TECTA: variants seen among roughly 807,000 people sequenced by gnomAD.
TECTA encodes the protein alpha-tectorin.
A neutral mutation model predicts 216.8 loss-of-function variants in TECTA; 128 were observed. The observed-to-expected ratio is 0.59, with a 90% CI of 0.51 to 0.68. The LOEUF (loss-of-function observed/expected upper bound fraction) is 0.68, where lower values mean the gene tolerates loss of function less well. TECTA is among the 30% of genes least tolerant of loss of function. The pLI, the probability that TECTA is intolerant of heterozygous loss-of-function variation, is 0.00. For synonymous variants in TECTA, 1,089 were observed against 1,117.1 expected, an observed-to-expected ratio of 0.97 and a Z score of 0.50; for missense variants, 2,551 against 2,786.2, an observed-to-expected ratio of 0.92 and a Z score of 1.90.
chr11:121,150,770 C>T (rs1946883022), intron 12 of TECTA, among the ~76,000 whole-genome samples: 2 of 151,968 alleles, frequency 1.3e-5, no homozygotes, highest in African/African-American at 4.8e-5. Flanking sequence ...CTCAGCCTCC[C>T]AAGTAGCTGG....
Position 121,125,437 on chromosome 11 carries a change from A to G in TECTA, c.1339A>G (p.Ile447Val). 1.2e-6 allele frequency: 2 copies of G among 1,614,092 alleles called. No individual in the cohort carries two copies. The highest frequency in any genetic ancestry group is 1.7e-6 in the Non-Finnish European group (2 of 1,180,028). The change falls in exon 8 of 24, where the codon ATT (isoleucine) becomes GTT (valine). Residue 447 changes from isoleucine to valine, a missense_variant. Ile to Val is a conservative substitution (Grantham distance 29). Transcript: ENST00000392793. ...TTTTGATGGCCAGCACTACGCCTCC[A>G]TTTCCGTCCCAGGCTCCTATATAAA... is the stretch of plus-strand genomic sequence containing the variant. ...VTFDGQHYASISVPGSYINST... is the reference protein window; with the variant it reads ...VTFDGQHYASVSVPGSYINST...
intron 20 of TECTA, among the ~76,000 whole-genome samples, chr11:121,187,220 C>A (rs1400616591): frequency 2.0e-5 from 3 of 152,084 alleles, no homozygotes; most frequent in Non-Finnish European, 4.4e-5. Context: ...GGGAACTATA[C>A]ATAATTGAAG....
In TECTA at chr11:121,111,990, C is replaced by T. The variant is rs374890713; in HGVS notation, c.487-1082C>T. Among the ~76,000 whole-genome samples the T allele has an allele frequency of 6.8e-4, 103 of 152,326 alleles. 2 individuals are homozygous for T. The South Asian group carries it at 0.021, about 31-fold the overall frequency. On this transcript the variant is annotated intron_variant, in intron 4 of 23. Coordinates refer to ENST00000392793, the MANE Select transcript of TECTA (RefSeq NM_005422.4). ...GATTTGGGGCTTCCAAGATCCTCTA[C>T]CCCAGTTTGATTACACAGGATAAGG... is the stretch of plus-strand genomic sequence containing the variant.
intron 12 of TECTA, among the ~76,000 whole-genome samples, 199 bp from the exon 13 acceptor site, chr11:121,152,682 C>T (rs1177444296): frequency 6.6e-6 from 1 of 152,064 alleles, no homozygotes; most frequent in Admixed American, 6.5e-5. Context: ...TGCATGTTGG[C>T]CCTTTATTTA....
chr11:121,120,651 C>G (rs1340854759), intron 7 of TECTA, among the ~76,000 whole-genome samples: 1 of 152,200 alleles, frequency 6.6e-6, no homozygotes, highest in East Asian at 1.9e-4. Flanking sequence ...ATGGATTTTC[C>G]CCACTGAACT....
chr11:121,120,585 AC>A (rs998618837), intron 7 of TECTA, among the ~76,000 whole-genome samples: 1 of 151,530 alleles, frequency 6.6e-6, no homozygotes, highest in African/African-American at 2.4e-5. Flanking sequence ...CAAAACACAG[AC>A]CCCCCTTCTC....
chr11:121,176,045 T>A (rs1251345257), intron 20 of TECTA, among the ~76,000 whole-genome samples: 1 of 152,066 alleles, frequency 6.6e-6, no homozygotes, highest in Non-Finnish European at 1.5e-5. Flanking sequence ...GCTTGGTAGA[T>A]CTTCCTCCAT....
chr11:121,186,274 G>T (rs601155), intron 20 of TECTA, among the ~76,000 whole-genome samples: 4,532 of 152,354 alleles, frequency 0.03, 202 homozygotes, highest in African/African-American at 0.1. Flanking sequence ...GGCAGAGACA[G>T]CAGCAACTTC....
chr11:121,142,416 C>G (rs1946793198), intron 11 of TECTA, among the ~76,000 whole-genome samples: 2 of 152,138 alleles, frequency 1.3e-5, no homozygotes, highest in South Asian at 4.1e-4. Context: ...AGGGTGGAGG[C>G]AGCATGCGTG....
At chr11:121,132,692 G>A (rs1364504911) in intron 10 of TECTA, among the ~76,000 whole-genome samples, 1 of 152,104 alleles carries the variant, frequency 6.6e-6, no homozygotes, top group Non-Finnish European at 1.5e-5. Context: ...TACAGTTTCA[G>A]TCCAATACCG....
At chr11:121,138,742 G>C (rs566674264) in intron 11 of TECTA, among the ~76,000 whole-genome samples, 72 of 152,318 alleles carry the variant, frequency 4.7e-4, no homozygotes, top group African/African-American at 1.7e-3. Flanking sequence ...GCAGACATCA[G>C]CTCCAGCCAC....
At chr11:121,132,731 T>G (rs546276703) in intron 10 of TECTA, among the ~76,000 whole-genome samples, 1 of 152,316 alleles carries the variant, frequency 6.6e-6, no homozygotes, top group East Asian at 1.9e-4. Flanking sequence ...CTTTTTTAAT[T>G]TTTTTTGAGA....
rs778418809 is a variant in TECTA at position 121,162,064 on chromosome 11, A to G, written c.4977-11A>G. ...TCAGATGGCTGTTTTTGCTTCACTC[A>G]GTCTGACCAGACCTCTTGCCCCCAG... On this transcript the variant is annotated splice_polypyrimidine_tract_variant and intron_variant, in intron 15 of 23. Coordinates refer to ENST00000392793, the MANE Select transcript of TECTA (RefSeq NM_005422.4). 1.9e-6 allele frequency: 3 copies of G among 1,613,746 alleles called. No individual in the cohort carries two copies. The highest frequency in any genetic ancestry group is 3.3e-5 in the Admixed American group (2 of 60,024).
intron 20 of TECTA, among the ~76,000 whole-genome samples, chr11:121,169,306 G>A (rs569006669): frequency 2.0e-5 from 3 of 152,196 alleles, no homozygotes; most frequent in Non-Finnish European, 4.4e-5. Context: ...AATGAACAAG[G>A]CATCTATAAA....
intron 12 of TECTA, among the ~76,000 whole-genome samples, chr11:121,147,074 A>C (rs1209036170): frequency 6.6e-6 from 1 of 151,330 alleles, no homozygotes; most frequent in Non-Finnish European, 1.5e-5. Flanking sequence ...AATAGGAAAA[A>C]CTTGTGGGGG....
chr11:121,120,389 G>A (rs998475866), intron 7 of TECTA, among the ~76,000 whole-genome samples: 4 of 152,188 alleles, frequency 2.6e-5, no homozygotes, highest in Admixed American at 6.5e-5. Flanking sequence ...GTTTCCAAGC[G>A]TCTCTGAATA....
Position 121,126,128 on chromosome 11 carries a change from A to C in TECTA, c.1774+256A>C, listed in dbSNP as rs767928495. Reference sequence around the variant, plus strand: ...CATGAAAGGCATGGCAGGAAGTCCCACAGCAGGGGACGGCAGCTCCAGAGT... The same window carrying C: ...CATGAAAGGCATGGCAGGAAGTCCCCCAGCAGGGGACGGCAGCTCCAGAGT... On this transcript the variant is annotated intron_variant, in intron 8 of 23. Transcript: ENST00000392793. Among the ~76,000 whole-genome samples, 8 of 152,360 alleles carry C rather than the reference A, an allele frequency of 5.3e-5. No individual in the cohort carries two copies. In the East Asian group the frequency reaches 1.5e-3, roughly 29 times the overall value.
At chr11:121,180,827 T>C (rs1947220315) in intron 20 of TECTA, among the ~76,000 whole-genome samples, 1 of 151,128 alleles carries the variant, frequency 6.6e-6, no homozygotes, top group Non-Finnish European at 1.5e-5. Flanking sequence ...TTTTTTTTTT[T>C]TTTTGCCTGA....
At chr11:121,107,675 A>G (rs73599473) in intron 3 of TECTA, among the ~76,000 whole-genome samples, 7,857 of 152,264 alleles carry the variant, frequency 0.052, 680 homozygotes, top group African/African-American at 0.18. Flanking sequence ...TGTCAGCCAC[A>G]GGGTTAAATC....
Sources: allele counts gnomAD v4.1 joint callset (sites outside exome capture counted in the v4.1 genomes callset), GRCh38; gene constraint gnomAD v4.1.1; transcripts MANE v1.5; gene names NCBI Gene and HGNC (gene_info 2026-07-23, HGNC 2026-07-21).